The following APBB2 variants were observed in gnomAD, a reference collection of about 807,000 sequenced individuals.
APBB2 encodes the protein Fe65-like 1.
A neutral mutation model predicts 82.5 loss-of-function variants in APBB2; 38 were observed. The observed-to-expected ratio is 0.46, with a 90% confidence interval of 0.36 to 0.60. The LOEUF is 0.60. APBB2 is among the 20% of genes least tolerant of loss of function. The pLI is 0.00. For missense variants in APBB2, 772 were observed against 972.3 expected (o/e 0.79, Z 2.74); for synonymous variants, 341 against 368.2 (o/e 0.93, Z 0.85).
chr4:40,869,528 C>A (rs1764889396), intron 12 of APBB2, among the ~76,000 whole-genome samples: 1 of 151,856 alleles, frequency 6.6e-6, no homozygotes, highest in South Asian at 2.1e-4. Flanking sequence ...ATCCAGGCTG[C>A]AGTGAGCTAT....
chr4:41,154,650 T>C (rs1367442808), intron 1 of APBB2, among the ~76,000 whole-genome samples: 1 of 152,208 alleles, frequency 6.6e-6, no homozygotes, highest in Non-Finnish European at 1.5e-5. Flanking sequence ...TCAGGATCTC[T>C]TGAAATTGTG....
In APBB2 at chr4:40,933,299, A is replaced by G. The variant is rs543520371; in HGVS notation, c.1254+1157T>C. On this transcript the variant is annotated intron_variant, in intron 10 of 17. Transcript: ENST00000508593. The stretch of plus-strand genomic sequence containing the variant: ...GCACACAGACCATTGGCTTCTGGGT[A>G]CCCTCTCCCATCAGCTGCTGGACAG... Among the ~76,000 whole-genome samples, 4 of 152,252 alleles carry G rather than the reference A, an allele frequency of 2.6e-5. 1 individual carries two copies. Among genetic ancestry groups the G allele is most frequent in the African/African-American group, 9.6e-5 (4 of 41,544 alleles).
At position 40,900,309 on chromosome 4, in the gene APBB2, G is replaced by A. The variant is rs1774901410; in HGVS notation, c.1255-6898C>T. ...TATTCTTCCCTGTAGATACACCTGA[G>A]TTACCTGAGAGTATCTGAGAGTAGA... On this transcript the variant is annotated intron_variant, in intron 10 of 17. Transcript: ENST00000508593. Among the ~76,000 whole-genome samples, 3 of 152,174 alleles carry A rather than the reference G, an allele frequency of 2.0e-5. No homozygotes were observed. In the South Asian group the frequency reaches 6.2e-4, roughly 31 times the overall value.
intron 3 of APBB2, among the ~76,000 whole-genome samples, chr4:41,084,084 G>C (rs1018526936): frequency 6.6e-6 from 1 of 152,120 alleles, no homozygotes; most frequent in Non-Finnish European, 1.5e-5. Flanking sequence ...CATTAATAGT[G>C]ACTAGATAAC....
chr4:41,188,036 C>T (rs191429801), intron 1 of APBB2, among the ~76,000 whole-genome samples: 21 of 152,238 alleles, frequency 1.4e-4, no homozygotes, highest in Admixed American at 1.2e-3. Flanking sequence ...ATAATACAGC[C>T]AGTTTTAAAT....
At chr4:41,032,769 T>C (rs868815997) in intron 5 of APBB2, among the ~76,000 whole-genome samples, 21 of 120,484 alleles carry the variant, frequency 1.7e-4, no homozygotes, top group African/African-American at 6.7e-4. Flanking sequence ...TAAAGATTCA[T>C]TTTTCTTTCT....
At chr4:40,821,586 C>A (rs1162650444) in intron 17 of APBB2, among the ~76,000 whole-genome samples, 2 of 152,162 alleles carry the variant, frequency 1.3e-5, no homozygotes, top group Non-Finnish European at 2.9e-5. Context: ...ACATTTCACA[C>A]ATGAAATTGA....
intron 1 of APBB2, among the ~76,000 whole-genome samples, chr4:41,200,755 C>G (rs1776501550): frequency 6.6e-6 from 1 of 152,156 alleles, no homozygotes; most frequent in African/African-American, 2.4e-5. Flanking sequence ...ATACAGGTAG[C>G]ACTTCTGACA....
intron 4 of APBB2, among the ~76,000 whole-genome samples, chr4:41,061,371 G>A (rs760551949): frequency 3.3e-5 from 5 of 152,182 alleles, no homozygotes; most frequent in Non-Finnish European, 7.3e-5. Context: ...AACCTAGATG[G>A]TACAGCCTAC....
intron 6 of APBB2, among the ~76,000 whole-genome samples, chr4:40,956,261 GAC>G (rs529540958): frequency 3.6e-4 from 55 of 152,144 alleles, no homozygotes; most frequent in Non-Finnish European, 6.9e-4. Flanking sequence ...CCAGAGCCAG[GAC>G]TCTGGGTTTA....
intron 17 of APBB2, among the ~76,000 whole-genome samples, chr4:40,819,746 G>C (rs775570487): frequency 6.6e-6 from 1 of 152,120 alleles, no homozygotes; most frequent in African/African-American, 2.4e-5. Context: ...TAAGTTATCT[G>C]CTTTTAGGGC....
At chr4:41,144,038 T>C (rs1464985688) in intron 1 of APBB2, among the ~76,000 whole-genome samples, 1 of 152,246 alleles carries the variant, frequency 6.6e-6, no homozygotes, top group Non-Finnish European at 1.5e-5. Context: ...GGGAATCTTA[T>C]GAAAGCAATT....
chr4:40,873,325 T>C (rs1022709544), intron 12 of APBB2, among the ~76,000 whole-genome samples: 10 of 152,196 alleles, frequency 6.6e-5, no homozygotes, highest in African/African-American at 2.4e-4. Context: ...AAACCTTATC[T>C]TTTATTTAAA....
At chr4:41,041,170 A>T (rs1438533043) in intron 4 of APBB2, among the ~76,000 whole-genome samples, 1 of 152,180 alleles carries the variant, frequency 6.6e-6, no homozygotes, top group Non-Finnish European at 1.5e-5. Context: ...GTGATCCACC[A>T]TGCCCGGCTA....
intron 1 of APBB2, among the ~76,000 whole-genome samples, chr4:41,147,023 C>T (rs1760966357): frequency 1.3e-5 from 2 of 152,150 alleles, no homozygotes; most frequent in African/African-American, 2.4e-5. Context: ...CATATATTCC[C>T]GTGACGGATC....
intron 1 of APBB2, among the ~76,000 whole-genome samples, chr4:41,154,682 A>G (rs972423168): frequency 1.5e-4 from 23 of 152,184 alleles, no homozygotes; most frequent in African/African-American, 4.6e-4. Flanking sequence ...ACAGTCACTT[A>G]TACTGGTTCA....
intron 2 of APBB2, among the ~76,000 whole-genome samples, chr4:41,116,289 G>A (rs1269193780): frequency 6.6e-6 from 1 of 152,122 alleles, no homozygotes; most frequent in African/African-American, 2.4e-5. Context: ...ACAGGGAGAG[G>A]AAGATCACAC....
chr4:41,011,122 G>A (rs1250157655), intron 6 of APBB2, among the ~76,000 whole-genome samples: 1 of 147,738 alleles, frequency 6.8e-6, no homozygotes, highest in Non-Finnish European at 1.5e-5. Flanking sequence ...ACAACATTTG[G>A]GTAAATTTTA....
chr4:40,971,570 C>T (rs1319444635), intron 6 of APBB2, among the ~76,000 whole-genome samples: 5 of 152,102 alleles, frequency 3.3e-5, no homozygotes, highest in East Asian at 1.9e-4. Context: ...ATAACATAAC[C>T]GCTCATGGCT....
Sources: allele counts gnomAD v4.1 joint callset (sites outside exome capture counted in the v4.1 genomes callset), GRCh38; gene constraint gnomAD v4.1.1; transcripts MANE v1.5; gene names NCBI Gene and HGNC (gene_info 2026-07-23, HGNC 2026-07-21).